B3GALT1: variants seen among roughly 807,000 people sequenced by gnomAD.
B3GALT1 encodes the protein beta-1,3-galactosyltransferase 1, also known as UDP-Gal:betaGlcNAc beta 1,3-galactosyltransferase, polypeptide 1.
A neutral mutation model predicts 23.2 loss-of-function variants in B3GALT1; 10 were observed. The ratio of observed to expected loss-of-function variants is 0.43; its 90% CI spans 0.27 to 0.73. The LOEUF is 0.73. Ranked by LOEUF, B3GALT1 falls within the 30% of genes least tolerant of loss-of-function variation. The pLI is 0.21. For missense variants in B3GALT1, 299 were observed against 405.4 expected, an observed-to-expected ratio of 0.74 and a Z score of 2.25; for synonymous variants, 156 against 141.5, an observed-to-expected ratio of 1.10 and a Z score of -0.73.
chr2:167,562,096 A>T (rs1684009453), intron 2 of B3GALT1, among the ~76,000 whole-genome samples: 2 of 152,216 alleles, frequency 1.3e-5, no homozygotes, highest in African/African-American at 4.8e-5. Context: ...CACGTCAAAA[A>T]GCTTATCCAC....
At chr2:167,487,083 C>T (rs2105339645) in intron 1 of B3GALT1, among the ~76,000 whole-genome samples, 1 of 152,252 alleles carries the variant, frequency 6.6e-6, no homozygotes, top group South Asian at 2.1e-4. Context: ...TTGAATTTAT[C>T]ACTAACCAGA....
chr2:167,812,449 G>A (rs1328960979), intron 3 of B3GALT1, among the ~76,000 whole-genome samples: 1 of 152,156 alleles, frequency 6.6e-6, no homozygotes, highest in Non-Finnish European at 1.5e-5. Flanking sequence ...TGTTATAAAG[G>A]TAAATGCATG....
At chr2:167,863,990 ATGTGTGTGTGTGTGTGTGTGTGTGTG>A (rs34276280) in intron 4 of B3GALT1, among the ~76,000 whole-genome samples, 2 of 143,620 alleles carry the variant, frequency 1.4e-5, no homozygotes, top group African/African-American at 5.2e-5. Flanking sequence ...GCATGTATGT[ATGTGTGTGTGTGTGTGTGTGTGTGTG>A]TGTGTGTGTG....
intron 3 of B3GALT1, among the ~76,000 whole-genome samples, chr2:167,707,326 A>AT: frequency 6.6e-6 from 1 of 152,166 alleles, no homozygotes; most frequent in South Asian, 2.1e-4. Context: ...GTAGCAATAG[A>AT]TAAGTATTGA....
intron 1 of B3GALT1, among the ~76,000 whole-genome samples, chr2:167,463,061 C>A (rs1574090006): frequency 6.6e-6 from 1 of 152,058 alleles, no homozygotes. Context: ...AAGCCTTTTC[C>A]TGAAGGTACA....
intron 3 of B3GALT1, among the ~76,000 whole-genome samples, chr2:167,750,694 A>G (rs577831353): frequency 3.2e-4 from 48 of 151,314 alleles, no homozygotes; most frequent in Non-Finnish European, 1.8e-4. Context: ...ATTATGTAGC[A>G]AGTTAACCTT....
At chr2:167,816,335 A>C (rs886909386) in intron 3 of B3GALT1, among the ~76,000 whole-genome samples, 12 of 152,224 alleles carry the variant, frequency 7.9e-5, no homozygotes, top group African/African-American at 2.9e-4. Flanking sequence ...ATCCCAAAAC[A>C]AAACAGAATG....
At chr2:167,642,874 A>G (rs938557012) in intron 2 of B3GALT1, among the ~76,000 whole-genome samples, 1 of 152,132 alleles carries the variant, frequency 6.6e-6, no homozygotes, top group Non-Finnish European at 1.5e-5. Context: ...TAGGCATCCA[A>G]TAAATAGAAA....
chr2:167,853,752 C>T (rs1463282714), intron 4 of B3GALT1, among the ~76,000 whole-genome samples: 1 of 152,104 alleles, frequency 6.6e-6, no homozygotes, highest in Non-Finnish European at 1.5e-5. Flanking sequence ...TAACACATCA[C>T]AATAAATGAA....
chr2:167,381,160 C>T (rs1697842165), intron 1 of B3GALT1, among the ~76,000 whole-genome samples: 1 of 152,090 alleles, frequency 6.6e-6, no homozygotes, highest in Non-Finnish European at 1.5e-5. Context: ...CTCAACCTCC[C>T]AGGCTCAAGC....
chr2:167,492,173 C>T (rs190859173), intron 2 of B3GALT1, among the ~76,000 whole-genome samples: 9 of 152,278 alleles, frequency 5.9e-5, no homozygotes, highest in African/African-American at 2.2e-4. Flanking sequence ...AATCTCTGAT[C>T]TTTTTACTCC....
At position 167,871,891 on chromosome 2, in the gene B3GALT1, C is replaced by CTTTTTTTTTTTTTT. The variant is rs397870339; in HGVS notation, c.*1886_*1899dup. ...AGAGTGTACCTTTTTTATTTATTTA[C>CTTTTTTTTTTTTTT]TTTTTTTTTTTTTTTTTTTTTTTTT... On this transcript the variant is annotated 3_prime_UTR_variant, in exon 5 of 5. Coordinates refer to ENST00000392690, the MANE Select transcript of B3GALT1 (RefSeq NM_020981.4). 1 of 62,450 alleles carries CTTTTTTTTTTTTTT rather than the reference C, an allele frequency of 1.6e-5. No individual in the cohort carries two copies. The highest frequency in any genetic ancestry group is 3.1e-5 in the Non-Finnish European group (1 of 32,560). The allele number at this position is 62,450 out of a possible 1,614,324, so 3.9% of individuals were successfully genotyped here.
intron 3 of B3GALT1, among the ~76,000 whole-genome samples, chr2:167,778,949 C>T (rs1012236372): frequency 2.0e-5 from 3 of 152,218 alleles, no homozygotes; most frequent in African/African-American, 7.2e-5. Flanking sequence ...CTTCTCTTCA[C>T]CTCCCAGTGA....
At chr2:167,471,444 G>A in intron 1 of B3GALT1, among the ~76,000 whole-genome samples, 1 of 152,156 alleles carries the variant, frequency 6.6e-6, no homozygotes, top group East Asian at 1.9e-4. Flanking sequence ...GGGTTTTGGA[G>A]TTGAAGATTT....
chr2:167,809,700 G>T (rs57950430), intron 3 of B3GALT1, among the ~76,000 whole-genome samples: 5,026 of 152,302 alleles, frequency 0.033, 124 homozygotes, highest in South Asian at 0.069. Flanking sequence ...CCCTACTGGG[G>T]GGTGCCTCCC....
At chr2:167,848,233 T>G (rs572991438) in intron 4 of B3GALT1, among the ~76,000 whole-genome samples, 5 of 152,150 alleles carry the variant, frequency 3.3e-5, no homozygotes, top group Non-Finnish European at 7.3e-5. Context: ...CCTCCCTAAT[T>G]CATTCTGTGA....
chr2:167,450,592 G>T (rs748197630), intron 1 of B3GALT1, among the ~76,000 whole-genome samples: 24 of 152,124 alleles, frequency 1.6e-4, no homozygotes, highest in African/African-American at 5.6e-4. Flanking sequence ...TTCTCTGTAG[G>T]TTACCTGGTG....
chr2:167,586,061 G>T (rs574178791), intron 2 of B3GALT1, among the ~76,000 whole-genome samples: 1 of 152,242 alleles, frequency 6.6e-6, no homozygotes, highest in African/African-American at 2.4e-5. Flanking sequence ...TGGAGTGGCT[G>T]GTAGGTGTAT....
intron 3 of B3GALT1, among the ~76,000 whole-genome samples, chr2:167,674,248 C>A (rs953518957): frequency 6.6e-6 from 1 of 151,812 alleles, no homozygotes. Context: ...TCAGAAATAC[C>A]CATTAGAGTT....
Sources: allele counts gnomAD v4.1 joint callset (sites outside exome capture counted in the v4.1 genomes callset), GRCh38; gene constraint gnomAD v4.1.1; transcripts MANE v1.5; gene names NCBI Gene and HGNC (gene_info 2026-07-23, HGNC 2026-07-21).